NEIL3: variants seen among roughly 807,000 people sequenced by gnomAD.
NEIL3 encodes endonuclease 8-like 3.
Under a neutral mutation model 57.5 loss-of-function variants are expected in NEIL3, and 48 were observed. The ratio of observed to expected loss-of-function variants is 0.83; its 90% confidence interval spans 0.66 to 1.06. The LOEUF is 1.06. NEIL3 is among the 50% of genes least tolerant of loss of function. NEIL3 has a pLI of 0.00. For missense variants in NEIL3, 717 were observed against 739.1 expected (o/e 0.97, Z 0.35); for synonymous variants, 261 against 253.2 (o/e 1.03, Z -0.29).
chr4:177,370,985 G>C, the NEIL3 span, among the ~76,000 whole-genome samples: 2 of 152,058 alleles, frequency 1.3e-5, no homozygotes, highest in Non-Finnish European at 2.9e-5. Flanking sequence ...AGGATGAAGA[G>C]AACACCTAAA....
At chr4:177,328,049 A>C (rs1560910897) in intron 2 of NEIL3, among the ~76,000 whole-genome samples, 1 of 152,216 alleles carries the variant, frequency 6.6e-6, no homozygotes, top group Non-Finnish European at 1.5e-5. Flanking sequence ...TATTAGGGTA[A>C]TGATGGCCTC....
chr4:177,351,525 G>A lies in NEIL3; in HGVS notation c.1015G>A (p.Ala339Thr). ...INKPSSKACD[A>T]CLTSRPIDSV... ...TAAGCCCTCTTCTAAGGCATGTGAT[G>A]CTTGCTTGACCTCAAGGCCTATTGG... The change falls in exon 7 of 10, where the codon GCT becomes ACT. Residue 339 changes from alanine to threonine, a missense_variant. Transcript: ENST00000264596. 1.2e-6 allele frequency: 2 copies of A among 1,613,424 alleles called. No homozygotes were observed. The highest frequency in any genetic ancestry group is 1.7e-6 in the Non-Finnish European group (2 of 1,179,792).
At chr4:177,333,793 A>T (rs1197930260) in intron 2 of NEIL3, among the ~76,000 whole-genome samples, 1 of 152,164 alleles carries the variant, frequency 6.6e-6, no homozygotes, top group East Asian at 1.9e-4. Context: ...CATCAGAAAA[A>T]TTGACGAACC....
chr4:177,352,824 C>T (rs542318938), intron 7 of NEIL3, among the ~76,000 whole-genome samples: 24 of 136,276 alleles, frequency 1.8e-4, no homozygotes, highest in Non-Finnish European at 3.4e-4. Context: ...AACAAGACTC[C>T]GTTTCAAAAA....
In NEIL3 at chr4:177,353,597, A is replaced by G; in HGVS notation, c.1329A>G (p.Pro443=). ...SKKTTNDITQ[P]SSKVNISPTI... is the part of the protein sequence containing the mutation. ...AGACAACAAACGATATAACTCAACCATCCAGCAAAGTAAACATATCACCTA... is the reference window on the plus strand; with the variant it reads ...AGACAACAAACGATATAACTCAACCGTCCAGCAAAGTAAACATATCACCTA... The change falls in exon 8 of 10, where the codon CCA becomes CCG. Residue 443 remains proline, a synonymous_variant. Transcript: ENST00000264596. The G allele has an allele frequency of 6.2e-7, 1 of 1,613,526 alleles. No individual in the cohort carries two copies. Among genetic ancestry groups the G allele is most frequent in the Non-Finnish European group, 8.5e-7 (1 of 1,179,540 alleles).
At chr4:177,319,485 G>A (rs748259630) in intron 1 of NEIL3, among the ~76,000 whole-genome samples, 2 of 152,030 alleles carry the variant, frequency 1.3e-5, no homozygotes, top group Non-Finnish European at 2.9e-5. Flanking sequence ...GCTTTTGGGG[G>A]AACAAGTGGT....
Position 177,355,897 on chromosome 4 carries a change from T to C in NEIL3, c.1460+2169T>C, listed in dbSNP as rs1323700929. On this transcript the variant is annotated intron_variant, in intron 8 of 9. Coordinates refer to ENST00000264596, the MANE Select transcript of NEIL3 (RefSeq NM_018248.3). ...TTAATGTCTTGTTCATAATCATTTA[T>C]GATAACTGGTTTAACTTTTGTTCAT... Among the ~76,000 whole-genome samples the C allele has an allele frequency of 5.9e-5, 9 of 152,352 alleles. No homozygotes were observed. The East Asian group carries it at 1.4e-3, about 23-fold the overall frequency.
intron 8 of NEIL3, among the ~76,000 whole-genome samples, chr4:177,354,824 T>C (rs1034501237): frequency 6.6e-6 from 1 of 152,228 alleles, no homozygotes; most frequent in Non-Finnish European, 1.5e-5. Context: ...CTTGCTACTT[T>C]GTATCTGAAA....
chr4:177,351,206 CAAAAAAAAAAAAA>C (rs749430879), intron 6 of NEIL3, among the ~76,000 whole-genome samples, 161 bp from the exon 7 acceptor site: 22 of 58,514 alleles, frequency 3.8e-4, no homozygotes, highest in African/African-American at 1.2e-3. Context: ...CCCATCTCTA[CAAAAAAAAAAAAA>C]AAAAAAAAAA....
chr4:177,355,224 G>A (rs767737124), intron 8 of NEIL3, among the ~76,000 whole-genome samples: 16 of 152,032 alleles, frequency 1.1e-4, no homozygotes, highest in South Asian at 2.1e-4. Context: ...ATGGAGGGTC[G>A]TCCTCCCATG....
intron 1 of NEIL3, among the ~76,000 whole-genome samples, chr4:177,316,197 C>A (rs1004926631): frequency 6.6e-6 from 1 of 152,064 alleles, no homozygotes; most frequent in African/African-American, 2.4e-5. Context: ...GGTACTGTAC[C>A]GTGAGTAACT....
intron 7 of NEIL3, 64 bp from the exon 8 acceptor site, chr4:177,353,244 G>T: frequency 7.5e-7 from 1 of 1,341,172 alleles, no homozygotes; most frequent in Non-Finnish European, 1.0e-6. Context: ...ATAAAAAGAT[G>T]TTTCACATAA....
chr4:177,351,828 T>C (rs1735359483), intron 7 of NEIL3, among the ~76,000 whole-genome samples: 1 of 152,236 alleles, frequency 6.6e-6, no homozygotes, highest in Non-Finnish European at 1.5e-5. Flanking sequence ...CTGTTTCTAA[T>C]GAATTATTCA....
chr4:177,310,554 A>C (rs1734458234), intron 1 of NEIL3, among the ~76,000 whole-genome samples: 2 of 152,216 alleles, frequency 1.3e-5, no homozygotes, highest in African/African-American at 4.8e-5. Flanking sequence ...AGTATATCAC[A>C]ACTAGTATAT....
rs530576549 is a variant in NEIL3 at position 177,335,086 on chromosome 4, TTC to T, written c.279-596_279-595del. ...TTGAGGACAATAGCATTTTGACTTG[TTC>T]TCTCTTTTTTTTTGATACGTAAGAT... On this transcript the variant is annotated intron_variant, in intron 2 of 9. Coordinates refer to ENST00000264596, the MANE Select transcript of NEIL3 (RefSeq NM_018248.3). Among the ~76,000 whole-genome samples the T allele has an allele frequency of 2.3e-3, 344 of 152,270 alleles. 3 individuals are homozygous for T. The highest frequency in any genetic ancestry group is 6.4e-3 in the African/African-American group (264 of 41,554).
At chr4:177,335,311 T>C (rs1280646983) in intron 2 of NEIL3, among the ~76,000 whole-genome samples, 2 of 152,196 alleles carry the variant, frequency 1.3e-5, no homozygotes, top group African/African-American at 4.8e-5. Context: ...TAGCCTTATC[T>C]CATCCCAAGC....
chr4:177,329,757 T>C (rs1734848042), intron 2 of NEIL3, among the ~76,000 whole-genome samples: 2 of 152,138 alleles, frequency 1.3e-5, no homozygotes, highest in South Asian at 4.1e-4. Context: ...CAACAACACA[T>C]GCTTTTCAAG....
At chr4:177,347,081 G>C (rs1477026451) in intron 6 of NEIL3, among the ~76,000 whole-genome samples, 1 of 152,098 alleles carries the variant, frequency 6.6e-6, no homozygotes, top group Admixed American at 6.5e-5. Flanking sequence ...GTGGTGATTA[G>C]TGTTCTCAAG....
rs556226742 is a variant in NEIL3 at position 177,314,860 on chromosome 4, G to A, written c.156+4751G>A. The stretch of plus-strand genomic sequence containing the variant: ...TGGGAGGCTGAGGCGGGCAGATCAC[G>A]AGGTCAGGAGATTGAGACCATTCTG... On this transcript the variant is annotated intron_variant, in intron 1 of 9. Transcript: ENST00000264596. Among the ~76,000 whole-genome samples, 8 of 152,124 alleles carry A rather than the reference G, an allele frequency of 5.3e-5. No homozygotes were observed. The South Asian group carries it at 6.2e-4, about 12-fold the overall frequency.
Sources: gnomAD v4.1 joint callset for allele counts (sites outside exome capture counted in the v4.1 genomes callset) on GRCh38, gnomAD v4.1.1 for gene constraint, MANE v1.5 for transcripts, NCBI Gene and HGNC (gene_info 2026-07-23, HGNC 2026-07-21) for gene names.